The following PTTG1 variants were observed in gnomAD, a reference collection of about 807,000 sequenced individuals.
The protein encoded by PTTG1 is securin.
PTTG1 carries 8 observed loss-of-function variants against 20.0 expected under a neutral mutation model. That is an observed-to-expected ratio of 0.40 (90% CI 0.23 to 0.72). PTTG1 has a LOEUF of 0.72. Among genes scored for constraint, PTTG1 ranks in the 30% least tolerant of loss-of-function variants. PTTG1 has a pLI of 0.38. For missense variants in PTTG1, 197 were observed against 236.0 expected (o/e 0.83, Z 1.08); for synonymous variants, 79 against 87.2 (o/e 0.91, Z 0.52).
In PTTG1 at chr5:160,422,304, T is replaced by A; in HGVS notation, c.-9T>A. 1 of 1,608,438 alleles carries A rather than the reference T, an allele frequency of 6.2e-7. No homozygotes were observed. On this transcript the variant is annotated splice_region_variant and 5_prime_UTR_variant, in exon 2 of 6. Coordinates refer to ENST00000352433, the MANE Select transcript of PTTG1 (RefSeq NM_004219.4). ...TAATATGTATTTCTCATTCTTAGAA[T>A]AATCCAGAATGGCTACTCTGATCTA...
chr5:160,422,027 G>C, intron 1 of PTTG1, 136 bp downstream of exon 1: 3 of 277,582 alleles, frequency 1.1e-5, no homozygotes, highest in Non-Finnish European at 2.1e-5. Context: ...CTCCGAGCCC[G>C]TTTGAGCGTG....
At position 160,427,864 on chromosome 5, in the gene PTTG1, T is replaced by C; in HGVS notation, c.520T>C (p.Trp174Arg). 1 of 1,614,108 alleles carries C rather than the reference T, an allele frequency of 6.2e-7. No individual in the cohort carries two copies. Among genetic ancestry groups the C allele is most frequent in the South Asian group, 1.1e-5 (1 of 91,072 alleles). ...ACCTGTGAAGATGCCCTCTCCACCATGGGAATCCAGTAAGTGAGCAAGTGC... is the reference window on the plus strand; with the variant it reads ...ACCTGTGAAGATGCCCTCTCCACCACGGGAATCCAGTAAGTGAGCAAGTGC... Reference protein sequence around the residue: ...PSPVKMPSPPWESNLLQSPSS... With the variant: ...PSPVKMPSPPRESNLLQSPSS... Residue 174 changes from tryptophan to arginine, a missense_variant, in exon 5 of 6, where the codon TGG becomes CGG. Transcript: ENST00000352433.
intron 4 of PTTG1, among the ~76,000 whole-genome samples, chr5:160,425,352 ACCATTCAG>A (rs1180615059): frequency 6.6e-6 from 1 of 152,226 alleles, no homozygotes; most frequent in East Asian, 1.9e-4. Context: ...GCTAATAATT[ACCATTCAG>A]CCATTGAGGA....
chr5:160,423,013 C>T, intron 3 of PTTG1, 120 bp downstream of exon 3: 2 of 1,042,832 alleles, frequency 1.9e-6, no homozygotes, highest in Admixed American at 2.5e-5. Flanking sequence ...TAGAGGTTAG[C>T]AAGCAGAGTA....
Position 160,427,891 on chromosome 5 carries a change from C to G in PTTG1, c.529+18C>G, listed in dbSNP as rs1765840377. 6.2e-7 allele frequency: 1 copy of G among 1,614,068 alleles called. No homozygotes were observed. The highest frequency in any genetic ancestry group is 1.1e-5 in the South Asian group (1 of 91,074). ...GGAATCCAGTAAGTGAGCAAGTGCC[C>G]TTCTGGAAGGGCTGCAAACAATTTG... On this transcript the variant is annotated intron_variant, in intron 5 of 5. Coordinates refer to ENST00000352433, the MANE Select transcript of PTTG1 (RefSeq NM_004219.4).
At chr5:160,425,433 A>C (rs1765786751) in intron 4 of PTTG1, among the ~76,000 whole-genome samples, 1 of 152,244 alleles carries the variant, frequency 6.6e-6, no homozygotes, top group Admixed American at 6.5e-5. Flanking sequence ...TGTTACAGGA[A>C]AGAGATATTG....
intron 4 of PTTG1, among the ~76,000 whole-genome samples, chr5:160,426,620 G>A (rs765681038): frequency 1.3e-5 from 2 of 152,212 alleles, no homozygotes; most frequent in Non-Finnish European, 2.9e-5. Flanking sequence ...CTGGTTCACT[G>A]AGATATGTAG....
chr5:160,424,632 C>T (rs1215108889), intron 4 of PTTG1: 2 of 216,346 alleles, frequency 9.2e-6, no homozygotes, highest in Admixed American at 5.6e-5. Flanking sequence ...CAGTCTTTCT[C>T]ACAAGGCTTT....
chr5:160,428,692 G>A lies in PTTG1; in HGVS notation c.*11G>A. 2 of 1,601,144 alleles carry A rather than the reference G, an allele frequency of 1.2e-6. No homozygotes were observed. The highest frequency in any genetic ancestry group is 1.7e-6 in the Non-Finnish European group (2 of 1,168,256). On this transcript the variant is annotated 3_prime_UTR_variant, in exon 6 of 6. Coordinates refer to ENST00000352433, the MANE Select transcript of PTTG1 (RefSeq NM_004219.4). ...GACATAGATATTTAAATTTCTTAGT[G>A]CTTCAGAGTTTGTGTGTATTTGTAT...
In PTTG1 at chr5:160,428,648, A is replaced by T. The variant is rs773558269; in HGVS notation, c.576A>T (p.Glu192Asp). 3.7e-6 allele frequency: 6 copies of T among 1,614,030 alleles called. No individual in the cohort carries two copies. Among genetic ancestry groups the T allele is most frequent in the Non-Finnish European group, 5.1e-6 (6 of 1,179,906 alleles). The change falls in exon 6 of 6, where the codon GAA becomes GAT. Residue 192 changes from glutamate (E) to aspartate (D), a missense_variant. Coordinates refer to ENST00000352433, the MANE Select transcript of PTTG1 (RefSeq NM_004219.4). ...GCATTCTGTCGACCCTGGATGTTGAATTGCCACCTGTTTGCTGTGACATAG... is the reference window on the plus strand; with the variant it reads ...GCATTCTGTCGACCCTGGATGTTGATTTGCCACCTGTTTGCTGTGACATAG... ...PSSILSTLDV[E>D]LPPVCCDIDI
intron 3 of PTTG1, among the ~76,000 whole-genome samples, chr5:160,423,304 T>C (rs897647004): frequency 6.6e-6 from 1 of 152,240 alleles, no homozygotes; most frequent in Non-Finnish European, 1.5e-5. Context: ...GCTGCCATTC[T>C]CTTAGCCTTC....
chr5:160,423,046 T>TC, intron 3 of PTTG1, 153 bp downstream of exon 3: 1 of 747,086 alleles, frequency 1.3e-6, no homozygotes, highest in South Asian at 1.9e-5. Flanking sequence ...CAGATTGTCC[T>TC]TGTGGACTTC....
intron 4 of PTTG1, among the ~76,000 whole-genome samples, chr5:160,426,485 A>G (rs1291244795): frequency 6.6e-6 from 1 of 152,226 alleles, no homozygotes; most frequent in African/African-American, 2.4e-5. Context: ...ATAAAATTGC[A>G]ATGTGGAATC....
chr5:160,422,391 G>A lies in PTTG1; in HGVS notation c.79G>A (p.Gly27Arg). The A allele has an allele frequency of 6.2e-7, 1 of 1,614,102 alleles. No individual in the cohort carries two copies. The highest frequency in any genetic ancestry group is 8.5e-7 in the Non-Finnish European group (1 of 1,179,936). The change falls in exon 2 of 6, where the codon GGG becomes AGG. Residue 27 changes from glycine (G) to arginine (R), a missense_variant. By Grantham distance (125) the Gly-to-Arg change is moderately radical. Transcript: ENST00000352433. Reference protein sequence around the residue: ...RVVAKDGLKLGSGPSIKALDG... With the variant: ...RVVAKDGLKLRSGPSIKALDG... ...GGTTGCTAAGGATGGGCTGAAGCTG[G>A]GGTCTGGACCTTGTAAGTATACAAG... is the stretch of plus-strand genomic sequence containing the variant.
At chr5:160,427,270 A>G (rs974706081) in intron 4 of PTTG1, among the ~76,000 whole-genome samples, 3 of 152,176 alleles carry the variant, frequency 2.0e-5, no homozygotes, top group African/African-American at 7.2e-5. Context: ...CTTGCAACTC[A>G]TATAGTTGCA....
rs1765729770 is a variant in PTTG1 at position 160,422,406 on chromosome 5, A to G, written c.91+3A>G. The G allele has an allele frequency of 1.2e-6, 2 of 1,612,530 alleles. No homozygotes were observed. Among genetic ancestry groups the G allele is most frequent in the Non-Finnish European group, 1.7e-6 (2 of 1,178,522 alleles). ...GCTGAAGCTGGGGTCTGGACCTTGT[A>G]AGTATACAAGGCTGCAGTCGGATAC... On this transcript the variant is annotated splice_donor_region_variant and intron_variant, in intron 2 of 5. Transcript: ENST00000352433.
intron 4 of PTTG1, among the ~76,000 whole-genome samples, chr5:160,427,316 A>C (rs1765825619): frequency 6.6e-6 from 1 of 152,210 alleles, no homozygotes; most frequent in African/African-American, 2.4e-5. Context: ...GTACAGTGGA[A>C]GTGCTTTATG....
At chr5:160,423,604 AC>A (rs1252774709) in intron 3 of PTTG1, among the ~76,000 whole-genome samples, 7 of 152,266 alleles carry the variant, frequency 4.6e-5, no homozygotes, top group Admixed American at 4.6e-4. Flanking sequence ...CATGGCAAAA[AC>A]AATGAGACAC....
intron 1 of PTTG1, 107 bp from the exon 2 acceptor site, chr5:160,422,173 CCCGTGACTGTTCCGCTGTTTAG>C: frequency 7.5e-6 from 5 of 665,878 alleles, no homozygotes; most frequent in Non-Finnish European, 1.3e-5. Context: ...TTGGCTCACG[CCCGTGACTGTTCCGCTGTTTAG>C]CTCTTGTTTT....
Sources: gnomAD v4.1 joint callset for allele counts (sites outside exome capture counted in the v4.1 genomes callset) on GRCh38, gnomAD v4.1.1 for gene constraint, MANE v1.5 for transcripts, NCBI Gene and HGNC (gene_info 2026-07-23, HGNC 2026-07-21) for gene names.